The following PPP2R2B variants were observed in gnomAD, a reference collection of about 807,000 sequenced individuals.
The protein encoded by PPP2R2B is serine/threonine-protein phosphatase 2A 55 kDa regulatory subunit B beta isoform.
Under a neutral mutation model 46.0 loss-of-function variants are expected in PPP2R2B, and 5 were observed. The observed-to-expected ratio is 0.11, with a 90% CI of 0.06 to 0.23. The LOEUF is 0.23. Among genes scored for constraint, PPP2R2B ranks in the 10% least tolerant of loss-of-function variants. The pLI is 1.00. For missense variants in PPP2R2B, 367 were observed against 575.0 expected (o/e 0.64, Z 3.70); for synonymous variants, 215 against 206.7 (o/e 1.04, Z -0.34).
intron 1 of PPP2R2B, among the ~76,000 whole-genome samples, chr5:147,022,364 C>T (rs778579216): frequency 1.3e-5 from 2 of 151,570 alleles, no homozygotes; most frequent in African/African-American, 2.4e-5. Context: ...TGAGACCATC[C>T]TGGTCAACAT....
intron 1 of PPP2R2B, among the ~76,000 whole-genome samples, chr5:146,964,905 G>A (rs1752335615): frequency 6.6e-6 from 1 of 151,946 alleles, no homozygotes; most frequent in Non-Finnish European, 1.5e-5. Flanking sequence ...CTATTATTTG[G>A]GTGACTGTGA....
chr5:146,788,622 T>C (rs1348593925), intron 2 of PPP2R2B, among the ~76,000 whole-genome samples: 2 of 152,066 alleles, frequency 1.3e-5, no homozygotes, highest in Non-Finnish European at 2.9e-5. Flanking sequence ...TCCCAGCTAC[T>C]TGGGAGGCTG....
intron 2 of PPP2R2B, among the ~76,000 whole-genome samples, chr5:146,855,146 GA>G (rs1402872286): frequency 6.6e-6 from 1 of 152,064 alleles, no homozygotes; most frequent in Non-Finnish European, 1.5e-5. Flanking sequence ...AGAATGCACT[GA>G]AAGTGTTACT....
At position 147,040,938 on chromosome 5, in the gene PPP2R2B, C is replaced by G. The variant is rs1756264110; in HGVS notation, c.79+14727G>C. ...ACAAGCCTGCCAAGTGAAAGGTAGT[C>G]GATTCTTTATAGTGTATCCTTGAGG... On this transcript the variant is annotated intron_variant, in intron 1 of 8. Coordinates refer to the PPP2R2B transcript ENST00000336640. 8.1e-6 allele frequency: 3 copies of G among 369,790 alleles called. No individual in the cohort carries two copies. The Admixed American group carries it at 1.1e-4, about 13-fold the overall frequency. 22.9% of individuals were successfully genotyped at this position (369,790 alleles called of 1,614,324 possible).
chr5:146,873,459 A>C (rs1295622889), intron 2 of PPP2R2B, among the ~76,000 whole-genome samples: 1 of 152,184 alleles, frequency 6.6e-6, no homozygotes, highest in African/African-American at 2.4e-5. Context: ...GATAGAGTCC[A>C]AACTCCTTGT....
chr5:146,809,953 G>T (rs1398609884), intron 2 of PPP2R2B, among the ~76,000 whole-genome samples: 1 of 152,100 alleles, frequency 6.6e-6, no homozygotes, highest in Admixed American at 6.5e-5. Context: ...TATCTTGGGG[G>T]AGTACAAAAA....
intron 5 of PPP2R2B, among the ~76,000 whole-genome samples, chr5:146,659,055 C>T (rs191402352): frequency 1.9e-4 from 29 of 152,000 alleles, no homozygotes; most frequent in Admixed American, 1.8e-3. Flanking sequence ...AACCTTTTAA[C>T]ATGATTTAGG....
intron 1 of PPP2R2B, among the ~76,000 whole-genome samples, chr5:147,036,477 T>C (rs1191765807): frequency 6.6e-6 from 1 of 152,200 alleles, no homozygotes; most frequent in Non-Finnish European, 1.5e-5. Context: ...AATGAACATA[T>C]ACATGCATAT....
chr5:146,691,088 G>A, intron 5 of PPP2R2B, 40 bp downstream of exon 5: 1 of 1,564,502 alleles, frequency 6.4e-7, no homozygotes, highest in Non-Finnish European at 8.8e-7. Flanking sequence ...TAGGAGACCT[G>A]CCCCTGACTG....
chr5:147,009,426 C>A (rs1325130099), intron 1 of PPP2R2B, among the ~76,000 whole-genome samples: 1 of 152,054 alleles, frequency 6.6e-6, no homozygotes, highest in Non-Finnish European at 1.5e-5. Context: ...TTAGATAATT[C>A]ATATTTCTTT....
intron 5 of PPP2R2B, among the ~76,000 whole-genome samples, chr5:146,683,304 T>C (rs972471677): frequency 2.6e-5 from 4 of 152,340 alleles, no homozygotes; most frequent in Non-Finnish European, 5.9e-5. Flanking sequence ...TGGCTTACAC[T>C]GAATATTCAG....
At chr5:146,858,117 G>A (rs1009310331) in intron 2 of PPP2R2B, among the ~76,000 whole-genome samples, 2 of 152,220 alleles carry the variant, frequency 1.3e-5, no homozygotes, top group Non-Finnish European at 2.9e-5. Context: ...ATGAGGTTAA[G>A]CATTGTTATC....
chr5:146,800,682 G>C (rs914056700), intron 2 of PPP2R2B, among the ~76,000 whole-genome samples: 1 of 151,942 alleles, frequency 6.6e-6, no homozygotes, highest in African/African-American at 2.4e-5. Flanking sequence ...CCCATCTATC[G>C]ATTGGTTACC....
chr5:146,632,400 A>T (rs1774504192), intron 7 of PPP2R2B, among the ~76,000 whole-genome samples: 1 of 152,166 alleles, frequency 6.6e-6, no homozygotes, highest in Non-Finnish European at 1.5e-5. Flanking sequence ...TGAATTGTTT[A>T]AGCAGTGTAG....
chr5:146,808,927 C>A (rs1157423428), intron 2 of PPP2R2B, among the ~76,000 whole-genome samples: 1 of 151,496 alleles, frequency 6.6e-6, no homozygotes, highest in Non-Finnish European at 1.5e-5. Context: ...AATGTAAAAT[C>A]CTCGAGGCAG....
chr5:147,028,769 T>C (rs1338733341), intron 1 of PPP2R2B, among the ~76,000 whole-genome samples: 1 of 152,184 alleles, frequency 6.6e-6, no homozygotes, highest in Non-Finnish European at 1.5e-5. Context: ...TCCAAAGTGG[T>C]TGTAATAATT....
At chr5:146,778,806 A>G (rs1039393546) in intron 2 of PPP2R2B, among the ~76,000 whole-genome samples, 7 of 152,212 alleles carry the variant, frequency 4.6e-5, no homozygotes, top group African/African-American at 7.2e-5. Flanking sequence ...TCAGAATCTA[A>G]TCAACACATC....
intron 7 of PPP2R2B, among the ~76,000 whole-genome samples, chr5:146,606,401 C>T (rs575498568): frequency 2.0e-5 from 3 of 152,324 alleles, no homozygotes; most frequent in South Asian, 4.1e-4. Context: ...GTTCCAAACA[C>T]AGTGGCCTGG....
intron 2 of PPP2R2B, among the ~76,000 whole-genome samples, chr5:146,864,636 C>T (rs1761202762): frequency 6.6e-6 from 1 of 152,170 alleles, no homozygotes; most frequent in African/African-American, 2.4e-5. Flanking sequence ...AGGTGGGCAA[C>T]TGAATCCCAG....
Sources: gnomAD v4.1 joint callset for allele counts (sites outside exome capture counted in the v4.1 genomes callset) on GRCh38, gnomAD v4.1.1 for gene constraint, MANE v1.5 for transcripts, NCBI Gene and HGNC (gene_info 2026-07-23, HGNC 2026-07-21) for gene names.